MLYCD: variants seen among roughly 807,000 people sequenced by gnomAD.
The protein encoded by MLYCD is malonyl-CoA decarboxylase, also known as malonyl-CoA decarboxylase, mitochondrial.
A neutral mutation model predicts 35.8 loss-of-function variants in MLYCD; 27 were observed. That is an observed-to-expected ratio of 0.75 (90% CI 0.56 to 1.04). The LOEUF is 1.04. Ranked by LOEUF, MLYCD falls within the 50% of genes least tolerant of loss-of-function variation. The pLI is 0.00. For synonymous variants in MLYCD, 403 were observed against 302.4 expected, an observed-to-expected ratio of 1.33 and a Z score of -3.45; for missense variants, 917 against 665.1, an observed-to-expected ratio of 1.38 and a Z score of -4.17.
At chr16:83,914,519 T>C (rs1354870052) in intron 4 of MLYCD, 2 of 289,122 alleles carry the variant, frequency 6.9e-6, no homozygotes, top group Non-Finnish European at 1.3e-5. Flanking sequence ...CCCAACACTC[T>C]AGTCTCGGTT....
At chr16:83,906,373 C>T (rs1347033162) in intron 1 of MLYCD, among the ~76,000 whole-genome samples, 2 of 152,092 alleles carry the variant, frequency 1.3e-5, no homozygotes, top group South Asian at 2.1e-4. Flanking sequence ...CCTGGGTGAC[C>T]GAGTGAGACC....
chr16:83,923,429 G>A lies in MLYCD; in HGVS notation c.*7940G>A, dbSNP rs1232851714. 4 of 152,206 alleles carry A rather than the reference G, an allele frequency of 2.6e-5. No homozygotes were observed. Among genetic ancestry groups the A allele is most frequent in the Non-Finnish European group, 5.9e-5 (4 of 68,038 alleles). 9.4% of individuals were successfully genotyped at this position (152,206 alleles called of 1,614,324 possible). A position where few individuals can be genotyped will look rare whatever the true frequency, so the allele number is the denominator to read the frequency against. ...AAGTCTGCCTCATTTGCAGTTTAGC[G>A]GACTCACAGAGGTGACCCTAGATCT... On this transcript the variant is annotated 3_prime_UTR_variant, in exon 5 of 5. Transcript: ENST00000262430.
chr16:83,915,665 G>C lies in MLYCD; in HGVS notation c.*176G>C, dbSNP rs1053776587. ...CCTCAACTTCCCTCACCCTGGGCGTGACATGCACCCAGTGCAAGACGGTTG... is the reference window on the plus strand; with the variant it reads ...CCTCAACTTCCCTCACCCTGGGCGTCACATGCACCCAGTGCAAGACGGTTG... On this transcript the variant is annotated 3_prime_UTR_variant, in exon 5 of 5. Coordinates refer to ENST00000262430, the MANE Select transcript of MLYCD (RefSeq NM_012213.3). 1.3e-6 allele frequency: 2 copies of C among 1,497,090 alleles called. No homozygotes were observed. Among genetic ancestry groups the C allele is most frequent in the Non-Finnish European group, 1.8e-6 (2 of 1,126,474 alleles). The allele number at this position is 1,497,090 out of a possible 1,614,324, so 92.7% of individuals were successfully genotyped here. A position where few individuals can be genotyped will look rare whatever the true frequency, so the allele number is the denominator to read the frequency against.
rs879831614 is a variant in MLYCD, at chr16:83,902,421, TA to T, written c.528+2752del. The stretch of plus-strand genomic sequence containing the variant: ...ATAGAATTAGATTGTTCTGTACCTA[TA>T]AACTATCAACTGGGATCTGATATTG... On this transcript the variant is annotated intron_variant, in intron 1 of 4. Transcript: ENST00000262430. 4.9e-4 allele frequency among the ~76,000 whole-genome samples: 75 copies of T among 151,622 alleles called. 1 individual carries two copies. The highest frequency in any genetic ancestry group is 1.7e-3 in the African/African-American group (71 of 41,398).
chr16:83,914,649 C>T (rs560430044), intron 4 of MLYCD: 115 of 421,858 alleles, frequency 2.7e-4, no homozygotes, highest in South Asian at 2.0e-3. Flanking sequence ...TGTGGCGGCG[C>T]GAGCCTGTGG....
In MLYCD at chr16:83,919,778, CAGG is replaced by C. The variant is rs1907587488; in HGVS notation, c.*4292_*4294del. The C allele has an allele frequency of 6.6e-6, 1 of 150,530 alleles. No homozygotes were observed. Among genetic ancestry groups the C allele is most frequent in the Non-Finnish European group, 1.5e-5 (1 of 68,034 alleles). 9.3% of individuals were successfully genotyped at this position (150,530 alleles called of 1,614,324 possible). On this transcript the variant is annotated 3_prime_UTR_variant, in exon 5 of 5. Transcript: ENST00000262430. ...GGTGCACAGGAGAACACATGGTGCA[CAGG>C]AGAACACACGGTGTACAGAACACAC...
intron 1 of MLYCD, among the ~76,000 whole-genome samples, chr16:83,900,503 T>A (rs189419418): frequency 5.4e-4 from 82 of 151,984 alleles, no homozygotes; most frequent in African/African-American, 1.6e-3. Flanking sequence ...CAGCCTCGAC[T>A]TCCCCAGGCT....
Position 83,915,982 on chromosome 16 carries a change from C to CCTG in MLYCD, c.*493_*494insCTG. Reference sequence around the variant, plus strand: ...CAGAGGGACAAAGGGCTGTGCTACACTTCCCAGTTACATTCTGAAGCTCAT... The same window carrying CCTG: ...CAGAGGGACAAAGGGCTGTGCTACACCTGTTCCCAGTTACATTCTGAAGCTCAT... On this transcript the variant is annotated 3_prime_UTR_variant, in exon 5 of 5. Coordinates refer to ENST00000262430, the MANE Select transcript of MLYCD (RefSeq NM_012213.3). 1 of 1,020,888 alleles carries CCTG rather than the reference C, an allele frequency of 9.8e-7. No individual in the cohort carries two copies. The allele number at this position is 1,020,888 out of a possible 1,614,324, so 63.2% of individuals were successfully genotyped here.
chr16:83,908,074 C>T (rs1388411220), intron 2 of MLYCD, 52 bp from the exon 3 acceptor site: 11 of 1,607,428 alleles, frequency 6.8e-6, no homozygotes, highest in Admixed American at 1.7e-5. Flanking sequence ...AGTCAGCAGC[C>T]GTTGCTTGTG....
chr16:83,915,040 C>G lies in MLYCD; in HGVS notation c.1033C>G (p.Gln345Glu). The part of the protein sequence containing the change: ...TKWLLGLLNS[Q>E]TKEHGRNELF... The stretch of plus-strand genomic sequence containing the variant: ...ATGGCTTCTGGGGCTTCTGAACTCG[C>G]AAACGAAGGAGCATGGGAGGAATGA... Residue 345 changes from glutamine (Q) to glutamate (E), a missense_variant, in exon 5 of 5, where the codon CAA becomes GAA. Gln to Glu is a conservative substitution (Grantham distance 29, BLOSUM62 2). Transcript: ENST00000262430. 1 of 1,614,242 alleles carries G rather than the reference C, an allele frequency of 6.2e-7. No individual in the cohort carries two copies. Among genetic ancestry groups the G allele is most frequent in the Non-Finnish European group, 8.5e-7 (1 of 1,180,050 alleles).
Position 83,926,528 on chromosome 16 carries a change from G to T in MLYCD, c.*11039G>T, listed in dbSNP as rs1907813141. On this transcript the variant is annotated 3_prime_UTR_variant, in exon 5 of 5. Coordinates refer to ENST00000262430, the MANE Select transcript of MLYCD (RefSeq NM_012213.3). The stretch of plus-strand genomic sequence containing the variant: ...CCACACGCGGCCGCCCTTCTCAGGA[G>T]CCCACTTCCACCTCTCGCAGGCTAG... 6.6e-6 allele frequency: 1 copy of T among 152,306 alleles called. No homozygotes were observed. Among genetic ancestry groups the T allele is most frequent in the African/African-American group, 2.4e-5 (1 of 41,468 alleles). The allele number at this position is 152,306 out of a possible 1,614,324, so 9.4% of individuals were successfully genotyped here. A position where few individuals can be genotyped will look rare whatever the true frequency, so the allele number is the denominator to read the frequency against.
intron 3 of MLYCD, among the ~76,000 whole-genome samples, chr16:83,910,793 C>T (rs529127290): frequency 1.1e-4 from 16 of 152,142 alleles, no homozygotes; most frequent in South Asian, 2.1e-4. Context: ...TGCAGGACAG[C>T]GGGCCCCTCT....
chr16:83,920,499 GT>G lies in MLYCD; in HGVS notation c.*5012del, dbSNP rs1907615424. Reference sequence around the variant, plus strand: ...GTTCTCAGGCCTGAGGTTCATTCTCGTTCTCTCCCTCTTCCCTTTCCCCTTC... The same window carrying G: ...GTTCTCAGGCCTGAGGTTCATTCTCGTCTCTCCCTCTTCCCTTTCCCCTTC... On this transcript the variant is annotated 3_prime_UTR_variant, in exon 5 of 5. Coordinates refer to ENST00000262430, the MANE Select transcript of MLYCD (RefSeq NM_012213.3). The G allele has an allele frequency of 6.6e-6, 1 of 152,314 alleles. No individual in the cohort carries two copies. The highest frequency in any genetic ancestry group is 6.6e-5 in the Admixed American group (1 of 15,264). 9.4% of individuals were successfully genotyped at this position (152,314 alleles called of 1,614,324 possible).
chr16:83,904,054 A>G (rs1476893781), intron 1 of MLYCD, among the ~76,000 whole-genome samples: 4 of 152,180 alleles, frequency 2.6e-5, no homozygotes, highest in Non-Finnish European at 4.4e-5. Context: ...CTCGTGTACC[A>G]GTGTCACATT....
At chr16:83,908,730 C>T (rs1318948580) in intron 3 of MLYCD, among the ~76,000 whole-genome samples, 1 of 152,158 alleles carries the variant, frequency 6.6e-6, no homozygotes, top group African/African-American at 2.4e-5. Flanking sequence ...CACTCCTTGG[C>T]GAGTGGAGGT....
In MLYCD at chr16:83,908,343, G is replaced by C. The variant is rs1455464534; in HGVS notation, c.798+61G>C. ...CCCCATAGAGCCCCTTGTGTTTTTT[G>C]TTTTGTTTTGTTTTTACTTGATTTT... On this transcript the variant is annotated intron_variant, in intron 3 of 4. Transcript: ENST00000262430. The C allele has an allele frequency of 2.7e-6, 4 of 1,508,618 alleles. No individual in the cohort carries two copies. The South Asian group carries it at 3.9e-5, about 15-fold the overall frequency. The allele number at this position is 1,508,618 out of a possible 1,614,324, so 93.5% of individuals were successfully genotyped here.
At position 83,923,654 on chromosome 16, in the gene MLYCD, C is replaced by G. The variant is rs1347254954; in HGVS notation, c.*8165C>G. On this transcript the variant is annotated 3_prime_UTR_variant, in exon 5 of 5. Transcript: ENST00000262430. ...CCCTGAAGCTGGAGCGAGTGTTCCTCACTTAGAGATGAGGCGATGAGGCGG... is the reference window on the plus strand; with the variant it reads ...CCCTGAAGCTGGAGCGAGTGTTCCTGACTTAGAGATGAGGCGATGAGGCGG... The G allele has an allele frequency of 6.6e-6, 1 of 152,364 alleles. No individual in the cohort carries two copies. The highest frequency in any genetic ancestry group is 1.5e-5 in the Non-Finnish European group (1 of 68,126). The allele number at this position is 152,364 out of a possible 1,614,324, so 9.4% of individuals were successfully genotyped here.
chr16:83,904,182 G>C (rs574901407), intron 1 of MLYCD, among the ~76,000 whole-genome samples: 136 of 151,350 alleles, frequency 9.0e-4, no homozygotes, highest in South Asian at 3.1e-3. Flanking sequence ...GGTATTTCCA[G>C]CTTTTTTCAT....
chr16:83,907,041 C>G lies in MLYCD; in HGVS notation c.583C>G (p.Leu195Val). Residue 195 changes from leucine to valine, a missense_variant, in exon 2 of 5, where the codon CTG becomes GTG. By Grantham distance (32) the Leu-to-Val change is conservative. Coordinates refer to ENST00000262430, the MANE Select transcript of MLYCD (RefSeq NM_012213.3). ...CTCAGAATGGTTTTCCTCCGGGTTC[C>G]TGAACCTAGAACGGGTTACCTGGCA... is the stretch of plus-strand genomic sequence containing the variant. ...MLSEWFSSGFLNLERVTWHSP... is the reference protein window; with the variant it reads ...MLSEWFSSGFVNLERVTWHSP... 1 of 1,614,214 alleles carries G rather than the reference C, an allele frequency of 6.2e-7. No individual in the cohort carries two copies. The highest frequency in any genetic ancestry group is 1.7e-5 in the Admixed American group (1 of 60,028).
Sources: allele counts gnomAD v4.1 joint callset (sites outside exome capture counted in the v4.1 genomes callset), GRCh38; gene constraint gnomAD v4.1.1; transcripts MANE v1.5; gene names NCBI Gene and HGNC (gene_info 2026-07-23, HGNC 2026-07-21).